The following ITGB5 variants were observed in gnomAD, a reference collection of about 807,000 sequenced individuals.
ITGB5 encodes integrin subunit beta 5.
In ITGB5, 38 loss-of-function variants were observed where a neutral mutation model predicts 84.8. The ratio of observed to expected loss-of-function variants is 0.45; its 90% CI spans 0.35 to 0.59. The LOEUF is 0.59. Ranked by LOEUF, ITGB5 falls within the 20% of genes least tolerant of loss-of-function variation. ITGB5 has a pLI of 0.01. For missense variants in ITGB5, 905 were observed against 1,034.5 expected, an observed-to-expected ratio of 0.87 and a Z score of 1.72; for synonymous variants, 393 against 414.4, an observed-to-expected ratio of 0.95 and a Z score of 0.63.
chr3:124,792,857 G>A (rs533237068), intron 10 of ITGB5: 1 of 152,074 alleles, frequency 6.6e-6, no homozygotes, highest in East Asian at 1.9e-4. Context: ...TAGGATTGTG[G>A]GTTCTGATGA....
chr3:124,859,211 G>C, intron 3 of ITGB5, 31 bp downstream of exon 3: 1 of 1,602,406 alleles, frequency 6.2e-7, no homozygotes, highest in Non-Finnish European at 8.5e-7. Flanking sequence ...CCTGATCCCA[G>C]AGCATCCAGC....
chr3:124,848,205 C>G, intron 4 of ITGB5, 104 bp downstream of exon 4: 1 of 1,354,272 alleles, frequency 7.4e-7, no homozygotes, highest in South Asian at 1.4e-5. Flanking sequence ...GCCTGGCCAC[C>G]CCTCCTAACC....
chr3:124,781,582 A>G (rs2064005596), intron 10 of ITGB5, among the ~76,000 whole-genome samples: 2 of 152,184 alleles, frequency 1.3e-5, no homozygotes, highest in African/African-American at 2.4e-5. Context: ...GCACCTCAGT[A>G]GCAACTAAAT....
chr3:124,898,751 A>G (rs1935162269), intron 1 of ITGB5, among the ~76,000 whole-genome samples: 1 of 144,598 alleles, frequency 6.9e-6, no homozygotes, highest in African/African-American at 2.6e-5. Context: ...TCAACACAGC[A>G]AAACCGCAAA....
At chr3:124,797,425 A>G (rs1387099457) in intron 9 of ITGB5, among the ~76,000 whole-genome samples, 2 of 152,100 alleles carry the variant, frequency 1.3e-5, no homozygotes, top group Non-Finnish European at 2.9e-5. Context: ...AGTGCTTGTC[A>G]TAGCTGCATC....
Position 124,894,134 on chromosome 3 carries a change from C to CTTTTTTTTTTTTTTTTTTTTTTTTTT in ITGB5, c.-255+7131_-255+7132insAAAAAAAAAAAAAAAAAAAAAAAAAA, listed in dbSNP as rs748784158. ...TTATAGTAAAAGTTGTGATATTTTTCTTTTTTTTTTTTTTTTTTGAGACAG... is the reference window on the plus strand; with the variant it reads ...TTATAGTAAAAGTTGTGATATTTTTCTTTTTTTTTTTTTTTTTTTTTTTTTTTTTTTTTTTTTTTTTTTTGAGACAG... On this transcript the variant is annotated intron_variant, in intron 1 of 4. Transcript: ENST00000608657. 3.8e-5 allele frequency among the ~76,000 whole-genome samples: 4 copies of CTTTTTTTTTTTTTTTTTTTTTTTTTT among 104,354 alleles called. 1 individual carries two copies. The highest frequency in any genetic ancestry group is 7.3e-5 in the Non-Finnish European group (4 of 55,048). The allele number at this position is 104,354 out of a possible 152,430, so 68.5% of individuals were successfully genotyped here. A position where few individuals can be genotyped will look rare whatever the true frequency, so the allele number is the denominator to read the frequency against.
Position 124,803,397 on chromosome 3 carries a change from G to A in ITGB5, c.1263+5625C>T, listed in dbSNP as rs541272305. 6.6e-5 allele frequency among the ~76,000 whole-genome samples: 10 copies of A among 152,236 alleles called. No homozygotes were observed. The South Asian group carries it at 8.3e-4, about 13-fold the overall frequency. ...CTCAGTTTTTCATACATAAAATGGC[G>A]AAGGAACAGCTCCCTTATAAAGCTG... On this transcript the variant is annotated intron_variant, in intron 9 of 14. Coordinates refer to ENST00000296181, the MANE Select transcript of ITGB5 (RefSeq NM_002213.5).
At chr3:124,777,731 C>A (rs2063945404) in intron 10 of ITGB5, among the ~76,000 whole-genome samples, 1 of 152,214 alleles carries the variant, frequency 6.6e-6, no homozygotes, top group African/African-American at 2.4e-5. Flanking sequence ...AACTACTGGG[C>A]CACCTTGGTT....
chr3:124,844,162 C>T (rs1357428785), intron 4 of ITGB5, among the ~76,000 whole-genome samples: 4 of 130,638 alleles, frequency 3.1e-5, no homozygotes, highest in Non-Finnish European at 3.1e-5. Flanking sequence ...AAGAGGAAAC[C>T]ATTCAATAAA....
At chr3:124,767,465 G>A (rs567636453) in intron 12 of ITGB5, among the ~76,000 whole-genome samples, 1 of 152,308 alleles carries the variant, frequency 6.6e-6, no homozygotes, top group South Asian at 2.1e-4. Context: ...CTCTCTCAGA[G>A]GACTGGGTTG....
Position 124,819,863 on chromosome 3 carries a change from GA to G in ITGB5, c.943-30del, listed in dbSNP as rs753649000. 4 of 1,509,698 alleles carry G rather than the reference GA, an allele frequency of 2.6e-6. No individual in the cohort carries two copies. The South Asian group carries it at 4.5e-5, about 17-fold the overall frequency. 93.5% of individuals were successfully genotyped at this position (1,509,698 alleles called of 1,614,324 possible). A position where few individuals can be genotyped will look rare whatever the true frequency, so the allele number is the denominator to read the frequency against. ...GGGCCAAGGCAAAAGTCAAGGCTAT[GA>G]CATTCCTAACAGGTGTAGATACCAG... On this transcript the variant is annotated intron_variant, in intron 6 of 14. Coordinates refer to ENST00000296181, the MANE Select transcript of ITGB5 (RefSeq NM_002213.5).
chr3:124,765,334 A>G (rs1479286893), intron 13 of ITGB5, among the ~76,000 whole-genome samples: 1 of 152,182 alleles, frequency 6.6e-6, no homozygotes, highest in Non-Finnish European at 1.5e-5. Flanking sequence ...TGACCTCTTC[A>G]GTGGTGCTGG....
At chr3:124,768,131 T>C (rs1252488516) in intron 12 of ITGB5, among the ~76,000 whole-genome samples, 1 of 152,026 alleles carries the variant, frequency 6.6e-6, no homozygotes, top group African/African-American at 2.4e-5. Flanking sequence ...AACAAGGAAG[T>C]CTACAAAAGA....
At chr3:124,843,819 GCATA>G (rs1389954853) in intron 4 of ITGB5, among the ~76,000 whole-genome samples, 2 of 152,140 alleles carry the variant, frequency 1.3e-5, no homozygotes, top group African/African-American at 2.4e-5. Flanking sequence ...TAAGCGCCAT[GCATA>G]CAGAGTTACT....
At chr3:124,817,093 T>C (rs74711506) in intron 8 of ITGB5, among the ~76,000 whole-genome samples, 1 of 152,086 alleles carries the variant, frequency 6.6e-6, no homozygotes, top group African/African-American at 2.4e-5. Flanking sequence ...AATAAAAAAA[T>C]GGATTGTCGA....
intron 3 of ITGB5, among the ~76,000 whole-genome samples, chr3:124,850,265 G>A (rs540187238): frequency 3.2e-4 from 48 of 152,014 alleles, no homozygotes; most frequent in African/African-American, 1.1e-3. Context: ...CCCTTGAATA[G>A]GAGTGCAACC....
intron 3 of ITGB5, among the ~76,000 whole-genome samples, chr3:124,851,543 G>A (rs1281254710): frequency 6.6e-6 from 1 of 151,690 alleles, no homozygotes; most frequent in Non-Finnish European, 1.5e-5. Context: ...TATCCTAAGA[G>A]GCTATCTATT....
chr3:124,779,508 G>A (rs1301562988), intron 10 of ITGB5, among the ~76,000 whole-genome samples: 1 of 151,856 alleles, frequency 6.6e-6, no homozygotes, highest in Non-Finnish European at 1.5e-5. Context: ...TGAGGATGAA[G>A]AGGAGCCTGT....
intron 5 of ITGB5, among the ~76,000 whole-genome samples, chr3:124,825,569 C>T (rs1031893501): frequency 3.3e-5 from 5 of 152,094 alleles, no homozygotes; most frequent in Admixed American, 6.5e-5. Context: ...CAAAGCATTA[C>T]GTTAAGGGCA....
Sources: allele counts gnomAD v4.1 joint callset (sites outside exome capture counted in the v4.1 genomes callset), GRCh38; gene constraint gnomAD v4.1.1; transcripts MANE v1.5; gene names NCBI Gene and HGNC (gene_info 2026-07-23, HGNC 2026-07-21).